The following PPP1R13B variants were observed in gnomAD, a reference collection of about 807,000 sequenced individuals.
The protein encoded by PPP1R13B is apoptosis-stimulating of p53 protein 1.
A neutral mutation model predicts 119.8 loss-of-function variants in PPP1R13B; 44 were observed. That is an observed-to-expected ratio of 0.37 (90% CI 0.29 to 0.47). The LOEUF (loss-of-function observed/expected upper bound fraction) is 0.47, where lower values mean the gene tolerates loss of function less well. PPP1R13B is among the 20% of genes least tolerant of loss of function. The pLI, the probability that PPP1R13B is intolerant of heterozygous loss-of-function variation, is 0.99. For synonymous variants in PPP1R13B, 542 were observed against 561.5 expected (o/e 0.97, Z 0.49); for missense variants, 1,227 against 1,413.5 (o/e 0.87, Z 2.12).
intron 1 of PPP1R13B, among the ~76,000 whole-genome samples, chr14:103,815,861 A>T (rs2086266945): frequency 1.3e-5 from 2 of 152,122 alleles, no homozygotes; most frequent in South Asian, 4.1e-4. Flanking sequence ...AGGCGGGCAG[A>T]TCACAAGGTC....
intron 5 of PPP1R13B, among the ~76,000 whole-genome samples, chr14:103,757,344 G>A (rs1340331849): frequency 6.6e-6 from 1 of 152,180 alleles, no homozygotes; most frequent in African/African-American, 2.4e-5. Flanking sequence ...AGGAGCCACT[G>A]TGCCTGGCCC....
At chr14:103,774,661 T>C (rs11624184) in intron 4 of PPP1R13B, among the ~76,000 whole-genome samples, 67,711 of 151,952 alleles carry the variant, frequency 0.45, 15,601 homozygotes, top group African/African-American at 0.56. Context: ...CCCCCCTTTC[T>C]TCACAGCTCT....
rs923770753 is a variant in PPP1R13B, at chr14:103,757,650, C to T, written c.456G>A (p.Lys152=). Residue 152 remains lysine, a splice_region_variant and synonymous_variant, in exon 5 of 17, where the codon AAG becomes AAA. Coordinates refer to ENST00000202556, the MANE Select transcript of PPP1R13B (RefSeq NM_015316.3). ...IENQQQMLVA[K]EQRLHFLKQQ... is the part of the protein sequence containing the mutation. ...TTCAATACCTCTTTTTATAACTTACCTTGGCAACCAACATCTGCTGCTGAT... is the reference window on the plus strand; with the variant it reads ...TTCAATACCTCTTTTTATAACTTACTTTGGCAACCAACATCTGCTGCTGAT... The T allele has an allele frequency of 6.2e-7, 1 of 1,613,220 alleles. No homozygotes were observed. Among genetic ancestry groups the T allele is most frequent in the South Asian group, 1.1e-5 (1 of 90,928 alleles).
At chr14:103,780,432 A>G (rs1461725205) in intron 3 of PPP1R13B, among the ~76,000 whole-genome samples, 2 of 137,542 alleles carry the variant, frequency 1.5e-5, no homozygotes, top group African/African-American at 5.5e-5. Context: ...GGTTGCAGTG[A>G]GCCAAGATCA....
chr14:103,756,790 G>A (rs542270945), intron 5 of PPP1R13B, among the ~76,000 whole-genome samples: 15 of 151,676 alleles, frequency 9.9e-5, no homozygotes, highest in African/African-American at 3.4e-4. Flanking sequence ...ATGGAGTCTC[G>A]CTCTGTTGCT....
At chr14:103,746,688 A>G in intron 8 of PPP1R13B, 135 bp from the exon 9 acceptor site, 1 of 706,900 alleles carries the variant, frequency 1.4e-6, no homozygotes, top group Non-Finnish European at 2.2e-6. Flanking sequence ...TCATCTGGAA[A>G]GATCAGCATC....
chr14:103,803,492 A>C (rs1452622175), intron 1 of PPP1R13B, among the ~76,000 whole-genome samples: 1 of 151,912 alleles, frequency 6.6e-6, no homozygotes, highest in Non-Finnish European at 1.5e-5. Context: ...AAATACAAAA[A>C]ATTAGCCGGA....
At chr14:103,751,862 G>A (rs2084556995) in intron 7 of PPP1R13B, among the ~76,000 whole-genome samples, 1 of 152,198 alleles carries the variant, frequency 6.6e-6, no homozygotes, top group African/African-American at 2.4e-5. Context: ...AGCAGTCTGA[G>A]CTAAGACAAA....
In PPP1R13B at chr14:103,742,203, G is replaced by C; in HGVS notation, c.1409C>G (p.Pro470Arg). 10 of 1,603,286 alleles carry C rather than the reference G, an allele frequency of 6.2e-6. No homozygotes were observed. Among genetic ancestry groups the C allele is most frequent in the Non-Finnish European group, 8.5e-6 (10 of 1,179,904 alleles). The part of the protein sequence containing the change: ...PSYGTYPSPT[P>R]LGPGSTSSLE... Reference sequence around the variant, plus strand: ...GGAGCTTGTCGACCCAGGACCCAGAGGTGTAGGACTTGGGTATGTCCCATA... The same window carrying C: ...GGAGCTTGTCGACCCAGGACCCAGACGTGTAGGACTTGGGTATGTCCCATA... Residue 470 changes from proline to arginine, a missense_variant, in exon 11 of 17, where the codon CCT becomes CGT. Coordinates refer to ENST00000202556, the MANE Select transcript of PPP1R13B (RefSeq NM_015316.3). The surrounding 1 kb of genome is among the most constrained non-coding windows in gnomAD (Gnocchi z 4.9).
chr14:103,809,125 G>A (rs1298612472), intron 1 of PPP1R13B, among the ~76,000 whole-genome samples: 2 of 152,028 alleles, frequency 1.3e-5, no homozygotes, highest in Admixed American at 6.6e-5. Context: ...CAAAGTGCTG[G>A]GATTACAGGC....
intron 1 of PPP1R13B, among the ~76,000 whole-genome samples, chr14:103,798,706 T>C (rs1012141451): frequency 6.6e-6 from 1 of 152,072 alleles, no homozygotes; most frequent in Non-Finnish European, 1.5e-5. Flanking sequence ...TAGCCTTACT[T>C]TATTTTATTT....
At chr14:103,736,552 C>T (rs2084118515) in intron 15 of PPP1R13B, 2 of 312,862 alleles carry the variant, frequency 6.4e-6, no homozygotes, top group African/African-American at 2.1e-5. Flanking sequence ...TGTGACTGCT[C>T]TTGGATGGTA....
At chr14:103,776,121 T>C (rs4906369) in intron 4 of PPP1R13B, among the ~76,000 whole-genome samples, 63,402 of 142,268 alleles carry the variant, frequency 0.45, 14,442 homozygotes, top group African/African-American at 0.56. Context: ...CATGAAAGTC[T>C]GGTACAGCTG....
intron 11 of PPP1R13B, among the ~76,000 whole-genome samples, chr14:103,741,438 G>A (rs1219156292): frequency 6.6e-6 from 1 of 152,174 alleles, no homozygotes; most frequent in Middle Eastern, 3.2e-3. Flanking sequence ...AGTGGTCAAG[G>A]CCACCCTCTA....
chr14:103,778,990 T>C (rs751905936), intron 3 of PPP1R13B, among the ~76,000 whole-genome samples, 169 bp from the exon 4 acceptor site: 4 of 152,172 alleles, frequency 2.6e-5, no homozygotes, highest in Non-Finnish European at 4.4e-5. Flanking sequence ...TAATCTTTTA[T>C]ATATAAAGTT....
chr14:103,846,232 G>A (rs765825677), intron 1 of PPP1R13B, among the ~76,000 whole-genome samples: 1 of 152,142 alleles, frequency 6.6e-6, no homozygotes, highest in Non-Finnish European at 1.5e-5. Context: ...GCTGAAAGCC[G>A]GCTACAAAAC....
chr14:103,761,065 T>C (rs188520170), intron 4 of PPP1R13B, among the ~76,000 whole-genome samples: 3 of 152,178 alleles, frequency 2.0e-5, no homozygotes, highest in East Asian at 1.9e-4. Context: ...TCCCAGTTCA[T>C]GAGTTTCAGA....
chr14:103,846,811 T>C (rs1414482322), intron 1 of PPP1R13B: 6 of 460,198 alleles, frequency 1.3e-5, no homozygotes, highest in Admixed American at 7.0e-5. Flanking sequence ...ATTCCTAAGA[T>C]GGCTCTCCAA....
intron 1 of PPP1R13B, among the ~76,000 whole-genome samples, chr14:103,808,239 CAA>C (rs59331307): frequency 1.1e-3 from 134 of 124,772 alleles, no homozygotes; most frequent in African/African-American, 3.2e-3. Context: ...GACTCTATCT[CAA>C]AAAAAAAAAA....
Sources: gnomAD v4.1 joint callset for allele counts (sites outside exome capture counted in the v4.1 genomes callset) on GRCh38, gnomAD v4.1.1 for gene constraint, Gnocchi (gnomAD v3.1) non-coding constraint, MANE v1.5 for transcripts, NCBI Gene and HGNC (gene_info 2026-07-23, HGNC 2026-07-21) for gene names.